The following EPHA6 variants were observed in gnomAD, a reference collection of about 807,000 sequenced individuals.
EPHA6 encodes ephrin type-A receptor 6.
EPHA6 carries 50 observed loss-of-function variants against 112.0 expected under a neutral mutation model. That is an observed-to-expected ratio of 0.45 (90% CI 0.36 to 0.56). The LOEUF (loss-of-function observed/expected upper bound fraction) is 0.56, where lower values mean the gene tolerates loss of function less well. EPHA6 is among the 20% of genes least tolerant of loss of function. The pLI, the probability that EPHA6 is intolerant of heterozygous loss-of-function variation, is 0.00. For missense variants in EPHA6, 1,280 were observed against 1,417.4 expected, an observed-to-expected ratio of 0.90 and a Z score of 1.56; for synonymous variants, 529 against 490.7, an observed-to-expected ratio of 1.08 and a Z score of -1.03.
chr3:96,930,638 G>A (rs559526756), intron 2 of EPHA6, among the ~76,000 whole-genome samples: 41 of 152,188 alleles, frequency 2.7e-4, no homozygotes, highest in Non-Finnish European at 3.1e-4. Context: ...GGAGGTGGCC[G>A]GAGACCCGAA....
chr3:97,123,809 GATGTACTTCTGCC>G (rs2048108646), intron 3 of EPHA6, among the ~76,000 whole-genome samples: 1 of 152,074 alleles, frequency 6.6e-6, no homozygotes, highest in African/African-American at 2.4e-5. Context: ...CAGCCATAGT[GATGTACTTCTGCC>G]ATAGAACTTA....
chr3:97,588,981 G>A (rs558695066), intron 11 of EPHA6, among the ~76,000 whole-genome samples: 2 of 152,158 alleles, frequency 1.3e-5, no homozygotes, highest in South Asian at 2.1e-4. Context: ...GATATTTAAG[G>A]GAGATTGCTA....
chr3:97,572,656 T>A (rs1014013895), intron 11 of EPHA6: 1 of 152,146 alleles, frequency 6.6e-6, no homozygotes, highest in Admixed American at 6.6e-5. Flanking sequence ...TATACAAGTA[T>A]AACATATTTT....
chr3:97,454,182 G>A (rs1037698358), intron 7 of EPHA6, among the ~76,000 whole-genome samples: 5 of 151,698 alleles, frequency 3.3e-5, no homozygotes, highest in African/African-American at 1.2e-4. Flanking sequence ...TTCCTGAAAT[G>A]TTCTTGCCAG....
intron 5 of EPHA6, among the ~76,000 whole-genome samples, chr3:97,288,112 G>A (rs368878809): frequency 1.3e-5 from 2 of 152,032 alleles, no homozygotes; most frequent in African/African-American, 2.4e-5. Flanking sequence ...CAATGCAAGA[G>A]TACATGTGCA....
intron 3 of EPHA6, among the ~76,000 whole-genome samples, chr3:97,062,413 A>G (rs2046050086): frequency 6.6e-6 from 1 of 152,174 alleles, no homozygotes; most frequent in Admixed American, 6.5e-5. Context: ...GAATGGGAAA[A>G]AATTTTGCAA....
At chr3:97,124,388 T>C (rs2048123778) in intron 3 of EPHA6, among the ~76,000 whole-genome samples, 1 of 151,840 alleles carries the variant, frequency 6.6e-6, no homozygotes, top group African/African-American at 2.4e-5. Flanking sequence ...CATTTTTAAA[T>C]ATAGAGTTGT....
At chr3:96,934,551 G>GT (rs1203762942) in intron 2 of EPHA6, among the ~76,000 whole-genome samples, 1 of 151,272 alleles carries the variant, frequency 6.6e-6, no homozygotes, top group African/African-American at 2.4e-5. Context: ...TACTTTACTG[G>GT]TTTTTTGTTG....
At chr3:97,145,537 TAAAAAA>T in intron 3 of EPHA6, among the ~76,000 whole-genome samples, 1 of 145,752 alleles carries the variant, frequency 6.9e-6, no homozygotes, top group Non-Finnish European at 1.5e-5. Context: ...TGACAACAGT[TAAAAAA>T]AAAAACATTT....
chr3:97,078,918 T>C (rs2046626527), intron 3 of EPHA6, among the ~76,000 whole-genome samples: 1 of 152,158 alleles, frequency 6.6e-6, no homozygotes. Flanking sequence ...ATCAACTTAG[T>C]TGATATAGCA....
At position 97,752,484 on chromosome 3, in the gene EPHA6, C is replaced by T. The variant is rs1269740505; in HGVS notation, c.*3783C>T. On this transcript the variant is annotated 3_prime_UTR_variant, in exon 18 of 18. Transcript: ENST00000389672. ...TTCTCAGCCCTGTTTTTAATTCCCC[C>T]ATCCTCTCTCTTTATTCCTTTCTCA... 9.1e-6 allele frequency: 2 copies of T among 220,978 alleles called. No individual in the cohort carries two copies. The highest frequency in any genetic ancestry group is 1.8e-5 in the Non-Finnish European group (2 of 110,316). 13.7% of individuals were successfully genotyped at this position (220,978 alleles called of 1,614,324 possible).
At chr3:97,187,737 GAA>G (rs1180267205) in intron 3 of EPHA6, among the ~76,000 whole-genome samples, 5 of 147,516 alleles carry the variant, frequency 3.4e-5, no homozygotes, top group African/African-American at 1.0e-4. Context: ...AAGAAAGAAA[GAA>G]AGAAAGAGGA....
intron 2 of EPHA6, among the ~76,000 whole-genome samples, chr3:96,976,988 C>T (rs531718491): frequency 4.6e-5 from 7 of 152,176 alleles, no homozygotes; most frequent in African/African-American, 7.2e-5. Flanking sequence ...ATGAGATGCT[C>T]ATATATGTGC....
intron 3 of EPHA6, among the ~76,000 whole-genome samples, chr3:96,994,809 T>TAGAG (rs1255905682): frequency 1.4e-5 from 2 of 144,926 alleles, no homozygotes; most frequent in Admixed American, 7.0e-5. Flanking sequence ...TATATATATA[T>TAGAG]ATAGAGAGAG....
chr3:97,406,661 T>C (rs2087367262), intron 6 of EPHA6, among the ~76,000 whole-genome samples: 1 of 152,182 alleles, frequency 6.6e-6, no homozygotes. Context: ...CTTAGTAGCA[T>C]AGCTGTATCC....
intron 14 of EPHA6, among the ~76,000 whole-genome samples, chr3:97,692,733 T>G (rs1446763504): frequency 6.6e-6 from 1 of 152,242 alleles, no homozygotes; most frequent in African/African-American, 2.4e-5. Flanking sequence ...TGTTTTTCAT[T>G]CATACTCACA....
chr3:96,913,040 A>G (rs1402485036), intron 2 of EPHA6, among the ~76,000 whole-genome samples: 1 of 151,884 alleles, frequency 6.6e-6, no homozygotes, highest in Non-Finnish European at 1.5e-5. Context: ...AAGAATGTGG[A>G]TTTTAAGGCA....
At chr3:97,724,087 A>G (rs1374035581) in intron 15 of EPHA6, among the ~76,000 whole-genome samples, 1 of 152,166 alleles carries the variant, frequency 6.6e-6, no homozygotes, top group African/African-American at 2.4e-5. Context: ...AATATTTTAT[A>G]TTTTTACTAC....
chr3:96,922,206 C>A (rs1247126606), intron 2 of EPHA6, among the ~76,000 whole-genome samples: 1 of 152,062 alleles, frequency 6.6e-6, no homozygotes, highest in Non-Finnish European at 1.5e-5. Context: ...CCAGATGGTT[C>A]CAGTTGATGA....
Sources: gnomAD v4.1 joint callset for allele counts (sites outside exome capture counted in the v4.1 genomes callset) on GRCh38, gnomAD v4.1.1 for gene constraint, MANE v1.5 for transcripts, NCBI Gene and HGNC (gene_info 2026-07-23, HGNC 2026-07-21) for gene names.